The following ADCY9 variants were observed in gnomAD, a reference collection of about 807,000 sequenced individuals.
The protein encoded by ADCY9 is adenylate cyclase 9.
A neutral mutation model predicts 101.5 loss-of-function variants in ADCY9; 50 were observed. The ratio of observed to expected loss-of-function variants is 0.49; its 90% CI spans 0.39 to 0.62. The LOEUF is 0.62. Among genes scored for constraint, ADCY9 ranks in the 20% least tolerant of loss-of-function variants. The pLI is 0.00. For synonymous variants in ADCY9, 905 were observed against 769.3 expected, an observed-to-expected ratio of 1.18 and a Z score of -2.92; for missense variants, 1,662 against 1,800.4, an observed-to-expected ratio of 0.92 and a Z score of 1.39.
At chr16:4,012,124 A>G (rs1408138779) in intron 2 of ADCY9, among the ~76,000 whole-genome samples, 2 of 152,338 alleles carry the variant, frequency 1.3e-5, no homozygotes, top group Non-Finnish European at 1.5e-5. Context: ...TGACCAACCC[A>G]TAGTGATAAC....
At position 4,092,437 on chromosome 16, in the gene ADCY9, T is replaced by C. The variant is rs112546593; in HGVS notation, c.1693+21313A>G. Among the ~76,000 whole-genome samples the C allele has an allele frequency of 8.5e-5, 13 of 152,342 alleles. 1 individual carries two copies. The highest frequency in any genetic ancestry group is 3.1e-4 in the African/African-American group (13 of 41,574). On this transcript the variant is annotated intron_variant, in intron 2 of 10. Coordinates refer to ENST00000294016, the MANE Select transcript of ADCY9 (RefSeq NM_001116.4). Reference sequence around the variant, plus strand: ...TCTGGTAAATTTTCATAAAAATCAATACTTCCCTAATTTAACATTCACATT... The same window carrying C: ...TCTGGTAAATTTTCATAAAAATCAACACTTCCCTAATTTAACATTCACATT...
intron 2 of ADCY9, among the ~76,000 whole-genome samples, chr16:4,026,743 A>T (rs1188437491): frequency 6.6e-6 from 1 of 152,182 alleles, no homozygotes; most frequent in Non-Finnish European, 1.5e-5. Context: ...CCAGTCTTCA[A>T]AGGGTACATG....
chr16:4,021,309 CG>C (rs1308834109), intron 2 of ADCY9, among the ~76,000 whole-genome samples: 1 of 152,192 alleles, frequency 6.6e-6, no homozygotes, highest in Non-Finnish European at 1.5e-5. Context: ...AAGGCCACGC[CG>C]GCAGCAGGTG....
chr16:3,975,178 G>A (rs1357209294), intron 9 of ADCY9, among the ~76,000 whole-genome samples: 3 of 152,158 alleles, frequency 2.0e-5, no homozygotes, highest in African/African-American at 7.2e-5. Flanking sequence ...GACCTGTGAT[G>A]GATTTAAAAG....
intron 3 of ADCY9, among the ~76,000 whole-genome samples, chr16:3,997,085 G>A (rs528950266): frequency 9.9e-5 from 15 of 152,208 alleles, no homozygotes; most frequent in South Asian, 2.1e-4. Flanking sequence ...GGCTGGTCTC[G>A]AACTCCTGGC....
chr16:4,097,487 TACAC>T (rs71139606), intron 2 of ADCY9, among the ~76,000 whole-genome samples: 1 of 72,508 alleles, frequency 1.4e-5, no homozygotes, highest in East Asian at 3.7e-4. Flanking sequence ...TATATATATA[TACAC>T]ACACACACAC....
intron 2 of ADCY9, among the ~76,000 whole-genome samples, chr16:4,009,763 CTT>C (rs2056391416): frequency 6.6e-6 from 1 of 152,232 alleles, no homozygotes; most frequent in African/African-American, 2.4e-5. Flanking sequence ...ACCAGACTGA[CTT>C]TGTAACTTCA....
At chr16:3,996,478 T>C (rs1234118197) in intron 3 of ADCY9, among the ~76,000 whole-genome samples, 1 of 152,172 alleles carries the variant, frequency 6.6e-6, no homozygotes, top group African/African-American at 2.4e-5. Context: ...CTGATACCCA[T>C]GCCTAAAAGA....
chr16:4,082,759 C>T (rs2056913324), intron 2 of ADCY9, among the ~76,000 whole-genome samples: 1 of 152,212 alleles, frequency 6.6e-6, no homozygotes, highest in Non-Finnish European at 1.5e-5. Context: ...CACGCACACA[C>T]ACCATGCATG....
chr16:3,997,252 A>G (rs1597154128), intron 3 of ADCY9, among the ~76,000 whole-genome samples: 1 of 152,210 alleles, frequency 6.6e-6, no homozygotes, highest in Non-Finnish European at 1.5e-5. Context: ...AAGCATTTAG[A>G]GCCATGAATG....
chr16:4,071,463 G>A (rs1010697783), intron 2 of ADCY9, among the ~76,000 whole-genome samples: 18 of 151,522 alleles, frequency 1.2e-4, no homozygotes, highest in African/African-American at 4.1e-4. Context: ...AACTTAAAAA[G>A]GGTCCGTATG....
chr16:4,020,914 G>A (rs2056472106), intron 2 of ADCY9, among the ~76,000 whole-genome samples: 2 of 151,848 alleles, frequency 1.3e-5, no homozygotes, highest in Middle Eastern at 3.4e-3. Flanking sequence ...CAAAAGAGCT[G>A]GAAACATTTG....
intron 2 of ADCY9, among the ~76,000 whole-genome samples, chr16:4,044,842 C>T (rs184232272): frequency 2.0e-5 from 3 of 152,224 alleles, no homozygotes; most frequent in East Asian, 1.9e-4. Context: ...AGGGACTCTC[C>T]ACCCCGCCTC....
intron 4 of ADCY9, 173 bp downstream of exon 4, chr16:3,993,233 C>G: frequency 8.3e-7 from 1 of 1,210,792 alleles, no homozygotes; most frequent in Non-Finnish European, 1.1e-6. Context: ...GCTGCTGACC[C>G]TCCCTCGAGC....
At chr16:3,997,123 C>A (rs769283459) in intron 3 of ADCY9, among the ~76,000 whole-genome samples, 3 of 152,242 alleles carry the variant, frequency 2.0e-5, no homozygotes, top group Admixed American at 6.5e-5. Context: ...CCTTGCCCTC[C>A]CAAAGTGCTG....
downstream of ADCY9, among the ~76,000 whole-genome samples, chr16:3,962,074 G>A (rs555461706): frequency 1.3e-5 from 2 of 152,072 alleles, no homozygotes; most frequent in Non-Finnish European, 2.9e-5. Context: ...AACCCCTACA[G>A]GGGAAGGGGC....
At chr16:3,979,615 G>A (rs868679294) in intron 7 of ADCY9, among the ~76,000 whole-genome samples, 4 of 152,230 alleles carry the variant, frequency 2.6e-5, no homozygotes, top group African/African-American at 4.8e-5. Flanking sequence ...TGCCGTCACC[G>A]GCTCCCATCA....
intron 2 of ADCY9, among the ~76,000 whole-genome samples, chr16:4,049,080 C>CT (rs35310083): frequency 0.15 from 22,477 of 152,118 alleles, 1,992 homozygotes; most frequent in African/African-American, 0.24. Context: ...AAGGACACTA[C>CT]TAAGAGCAAG....
intron 7 of ADCY9, among the ~76,000 whole-genome samples, chr16:3,980,618 G>C (rs2056133313): frequency 1.3e-5 from 2 of 152,192 alleles, no homozygotes; most frequent in African/African-American, 4.8e-5. Flanking sequence ...TGCGTGGTGT[G>C]GCCAGGCGAG....
Sources: allele counts gnomAD v4.1 joint callset (sites outside exome capture counted in the v4.1 genomes callset), GRCh38; gene constraint gnomAD v4.1.1; transcripts MANE v1.5; gene names NCBI Gene and HGNC (gene_info 2026-07-23, HGNC 2026-07-21).